Variants in SLC35F2 observed in about 807,000 individuals in gnomAD.
The protein encoded by SLC35F2 is queuine/queuosine transporter SLC35F2.
SLC35F2 carries 25 observed loss-of-function variants against 38.1 expected under a neutral mutation model. The ratio of observed to expected loss-of-function variants is 0.66; its 90% confidence interval spans 0.48 to 0.92. The LOEUF (loss-of-function observed/expected upper bound fraction) is 0.92, where lower values mean the gene tolerates loss of function less well. Among genes scored for constraint, SLC35F2 ranks in the 40% least tolerant of loss-of-function variants. SLC35F2 has a pLI of 0.00. For missense variants in SLC35F2, 409 were observed against 452.9 expected, an observed-to-expected ratio of 0.90 and a Z score of 0.88; for synonymous variants, 173 against 181.7, an observed-to-expected ratio of 0.95 and a Z score of 0.38.
chr11:107,812,689 AAT>A (rs879625135), intron 2 of SLC35F2, among the ~76,000 whole-genome samples: 15 of 152,208 alleles, frequency 9.9e-5, no homozygotes, highest in Non-Finnish European at 1.5e-4. Context: ...AAAAAAATAA[AAT>A]AGTTTTTTTT....
intron 6 of SLC35F2, chr11:107,803,532 ATT>A: frequency 1.0e-6 from 1 of 983,432 alleles, no homozygotes; most frequent in Non-Finnish European, 1.2e-6. Flanking sequence ...AAAATCACTC[ATT>A]ATGTTTTCTT....
chr11:107,794,938 G>A (rs952307168), intron 7 of SLC35F2, among the ~76,000 whole-genome samples: 4 of 151,990 alleles, frequency 2.6e-5, no homozygotes, highest in Non-Finnish European at 5.9e-5. Flanking sequence ...AAACCAAGAA[G>A]GCAATCCCAT....
intron 1 of SLC35F2, among the ~76,000 whole-genome samples, chr11:107,820,084 A>T (rs112393278): frequency 1.3e-5 from 2 of 151,684 alleles, no homozygotes; most frequent in Non-Finnish European, 2.9e-5. Context: ...GGTGAAACCC[A>T]GTCTCTACTA....
intron 1 of SLC35F2, among the ~76,000 whole-genome samples, chr11:107,853,057 C>T: frequency 6.6e-6 from 1 of 151,912 alleles, no homozygotes; most frequent in Non-Finnish European, 1.5e-5. Flanking sequence ...ATTATCCTTC[C>T]CTCCTCCAGC....
At chr11:107,831,449 T>A (rs1437957858) in intron 1 of SLC35F2, among the ~76,000 whole-genome samples, 1 of 152,098 alleles carries the variant, frequency 6.6e-6, no homozygotes, top group Non-Finnish European at 1.5e-5. Flanking sequence ...GGTCTCAAAC[T>A]CCCGGCCTCA....
At chr11:107,803,294 A>C (rs2305284) in intron 6 of SLC35F2, 139 bp from the exon 7 acceptor site, 107,183 of 1,318,632 alleles carry the variant, frequency 0.081, 8,921 homozygotes, top group East Asian at 0.44. Flanking sequence ...GTCAGCATTG[A>C]AAATGAGACC....
At chr11:107,818,721 T>C (rs557306188) in intron 1 of SLC35F2, among the ~76,000 whole-genome samples, 4 of 152,380 alleles carry the variant, frequency 2.6e-5, no homozygotes, top group Non-Finnish European at 5.9e-5. Flanking sequence ...GACTACATCA[T>C]GCTTTATTGA....
chr11:107,808,952 A>C (rs2134781280), intron 3 of SLC35F2, among the ~76,000 whole-genome samples: 1 of 152,334 alleles, frequency 6.6e-6, no homozygotes, highest in African/African-American at 2.4e-5. Flanking sequence ...TCTATCTTTA[A>C]CAACTTTTGT....
At chr11:107,833,457 T>G (rs554910661) in intron 1 of SLC35F2, among the ~76,000 whole-genome samples, 2 of 148,064 alleles carry the variant, frequency 1.4e-5, no homozygotes, top group African/African-American at 5.0e-5. Flanking sequence ...AGGCAGAGGT[T>G]GCCGTGAACC....
At chr11:107,833,136 C>T (rs1439881762) in intron 1 of SLC35F2, among the ~76,000 whole-genome samples, 1 of 152,190 alleles carries the variant, frequency 6.6e-6, no homozygotes, top group African/African-American at 2.4e-5. Flanking sequence ...TAGTGTCTCA[C>T]AGTTTACAAA....
intron 3 of SLC35F2, among the ~76,000 whole-genome samples, chr11:107,809,331 A>C (rs1859445722): frequency 9.3e-5 from 2 of 21,536 alleles, no homozygotes; most frequent in African/African-American, 7.2e-4. Flanking sequence ...TCAAAATACA[A>C]AAAAAAAAAA....
In SLC35F2 at chr11:107,814,611, C is replaced by T. The variant is rs543289539; in HGVS notation, c.286+1179G>A. 5.3e-5 allele frequency among the ~76,000 whole-genome samples: 8 copies of T among 152,086 alleles called. No individual in the cohort carries two copies. The East Asian group carries it at 1.5e-3, about 29-fold the overall frequency. The stretch of plus-strand genomic sequence containing the variant: ...GTATGCATTGTACATTTGTCAAAAC[C>T]CATAGAATGCACAATACCAAGAGCG... On this transcript the variant is annotated intron_variant, in intron 2 of 7. Coordinates refer to ENST00000525815, the MANE Select transcript of SLC35F2 (RefSeq NM_017515.5).
At chr11:107,856,436 T>G (rs1428849237) in intron 1 of SLC35F2, among the ~76,000 whole-genome samples, 1 of 152,108 alleles carries the variant, frequency 6.6e-6, no homozygotes, top group Non-Finnish European at 1.5e-5. Context: ...GGCTCACGCC[T>G]GTAATCCCAC....
rs866628358 is a variant in SLC35F2, at chr11:107,821,528, C to T, written c.111-5563G>A. The T allele has an allele frequency of 1.5e-4, 148 of 985,402 alleles. No homozygotes were observed. In the Middle Eastern group the frequency reaches 2.6e-3, roughly 17 times the overall value. 61.0% of individuals were successfully genotyped at this position (985,402 alleles called of 1,614,324 possible). On this transcript the variant is annotated intron_variant, in intron 1 of 7. Transcript: ENST00000525815. Reference sequence around the variant, plus strand: ...ACAAGAACACTCAAACTTATAGACACTGAAGGCCTCAAAACAATTTTTGTT... The same window carrying T: ...ACAAGAACACTCAAACTTATAGACATTGAAGGCCTCAAAACAATTTTTGTT...
intron 2 of SLC35F2, among the ~76,000 whole-genome samples, chr11:107,814,260 G>A (rs917923349): frequency 1.3e-5 from 2 of 152,068 alleles, no homozygotes; most frequent in Non-Finnish European, 2.9e-5. Context: ...GTAAGGTCAG[G>A]AGTTCGAGAC....
chr11:107,854,473 A>C (rs1450366280), intron 1 of SLC35F2, among the ~76,000 whole-genome samples: 1 of 152,106 alleles, frequency 6.6e-6, no homozygotes, highest in Non-Finnish European at 1.5e-5. Context: ...TTAAATAAGA[A>C]GTATTCTCAG....
Position 107,792,547 on chromosome 11 carries a change from A to G in SLC35F2, c.*68T>C. 7.3e-6 allele frequency: 11 copies of G among 1,506,552 alleles called. No homozygotes were observed. Among genetic ancestry groups the G allele is most frequent in the Non-Finnish European group, 9.8e-6 (11 of 1,124,502 alleles). 93.3% of individuals were successfully genotyped at this position (1,506,552 alleles called of 1,614,324 possible). ...CCATTCTGAGTCTGCTATTTCCCCA[A>G]GTGTCCCCTCAGCAGGCAGCAGGCT... On this transcript the variant is annotated 3_prime_UTR_variant, in exon 8 of 8. Coordinates refer to ENST00000525815, the MANE Select transcript of SLC35F2 (RefSeq NM_017515.5).
In SLC35F2 at chr11:107,811,775, T is replaced by C. The variant is rs757001925; in HGVS notation, c.306A>G (p.Val102=). The C allele has an allele frequency of 1.2e-6, 2 of 1,613,958 alleles. No homozygotes were observed. The highest frequency in any genetic ancestry group is 1.7e-6 in the Non-Finnish European group (2 of 1,179,868). The change falls in exon 3 of 8, where the codon GTA becomes GTG. Residue 102 remains valine, a synonymous_variant. Transcript: ENST00000525815. ...AFRSGSDNLL[V]ILKRKWWKYI... ...ACTTCCACCATTTTCTTTTCAAGAT[T>C]ACTAAAAGGTTATCACTGCCTGGTT...
At chr11:107,797,722 T>G (rs1859242931) in intron 7 of SLC35F2, among the ~76,000 whole-genome samples, 1 of 152,126 alleles carries the variant, frequency 6.6e-6, no homozygotes, top group African/African-American at 2.4e-5. Flanking sequence ...AAGAATTCCT[T>G]AAGGAATGTA....
Sources: allele counts gnomAD v4.1 joint callset (sites outside exome capture counted in the v4.1 genomes callset), GRCh38; gene constraint gnomAD v4.1.1; transcripts MANE v1.5; gene names NCBI Gene and HGNC (gene_info 2026-07-23, HGNC 2026-07-21).